FER: variants seen among roughly 807,000 people sequenced by gnomAD.
FER encodes the protein FER tyrosine kinase, also known as tyrosine-protein kinase Fer.
FER carries 63 observed loss-of-function variants against 111.0 expected under a neutral mutation model. The observed-to-expected ratio is 0.57, with a 90% CI of 0.46 to 0.70. The LOEUF (loss-of-function observed/expected upper bound fraction) is 0.70. Ranked by LOEUF, FER falls within the 30% of genes least tolerant of loss-of-function variation. The probability of loss-of-function intolerance (pLI) is 0.00; values close to 1 mark genes in which losing one functional copy is unlikely to be tolerated. For missense variants in FER, 914 were observed against 954.0 expected (o/e 0.96, Z 0.55); for synonymous variants, 327 against 313.9 (o/e 1.04, Z -0.44).
intron 17 of FER, among the ~76,000 whole-genome samples, chr5:109,164,782 C>T (rs534876116): frequency 1.3e-5 from 2 of 152,204 alleles, no homozygotes; most frequent in South Asian, 4.1e-4. Context: ...CATCCTAATC[C>T]TTATTTTCAT....
intron 2 of FER, among the ~76,000 whole-genome samples, chr5:108,793,519 C>CGGGGGGGGGG (rs144848588): frequency 8.7e-5 from 9 of 103,170 alleles, no homozygotes; most frequent in Non-Finnish European, 1.6e-4. Flanking sequence ...TTTGGCGGGG[C>CGGGGGGGGGG]GGGGGGGGTG....
intron 10 of FER, among the ~76,000 whole-genome samples, chr5:108,919,197 T>C (rs532640344): frequency 1.3e-5 from 2 of 152,092 alleles, no homozygotes; most frequent in African/African-American, 2.4e-5. Flanking sequence ...CTCATTGATA[T>C]CTTACTATTT....
chr5:109,181,913 G>C (rs769523718), intron 18 of FER, among the ~76,000 whole-genome samples: 21 of 152,130 alleles, frequency 1.4e-4, no homozygotes, highest in Non-Finnish European at 2.2e-4. Context: ...CCATTCTTCC[G>C]TTCCGTTGTC....
chr5:108,993,974 G>A (rs537101032), intron 13 of FER, among the ~76,000 whole-genome samples: 1 of 152,068 alleles, frequency 6.6e-6, no homozygotes, highest in African/African-American at 2.4e-5. Context: ...TAATGGTGTT[G>A]TTTTCTTCTT....
chr5:109,102,330 C>G (rs544359186), intron 17 of FER, among the ~76,000 whole-genome samples: 1 of 152,124 alleles, frequency 6.6e-6, no homozygotes, highest in East Asian at 1.9e-4. Flanking sequence ...GGAAGGTTTC[C>G]CAGTTGAACA....
At chr5:109,161,472 T>C (rs1755983159) in intron 17 of FER, among the ~76,000 whole-genome samples, 1 of 152,050 alleles carries the variant, frequency 6.6e-6, no homozygotes, top group African/African-American at 2.4e-5. Context: ...ATCCATGTGT[T>C]CTCATCGTTT....
At chr5:109,125,853 C>G (rs1446235424) in intron 17 of FER, among the ~76,000 whole-genome samples, 1 of 152,044 alleles carries the variant, frequency 6.6e-6, no homozygotes, top group Non-Finnish European at 1.5e-5. Flanking sequence ...ATCCTTTTTC[C>G]TAAACTGGAA....
intron 16 of FER, among the ~76,000 whole-genome samples, chr5:109,056,343 G>T (rs190047137): frequency 6.6e-6 from 1 of 152,138 alleles, no homozygotes; most frequent in South Asian, 2.1e-4. Flanking sequence ...CAGAGAAATG[G>T]ATAAAGAAAA....
intron 3 of FER, among the ~76,000 whole-genome samples, chr5:108,822,340 A>G (rs1758937822): frequency 6.6e-6 from 1 of 152,204 alleles, no homozygotes; most frequent in South Asian, 2.1e-4. Context: ...CTGTTGGTAT[A>G]ATAGAATTCC....
At chr5:109,162,824 G>T (rs546114067) in intron 17 of FER, among the ~76,000 whole-genome samples, 32 of 151,970 alleles carry the variant, frequency 2.1e-4, no homozygotes, top group Admixed American at 1.9e-3. Context: ...TTATATATTT[G>T]TAAGAATCTT....
intron 14 of FER, among the ~76,000 whole-genome samples, chr5:109,039,496 G>A (rs1327201298): frequency 6.6e-6 from 1 of 152,060 alleles, no homozygotes; most frequent in Non-Finnish European, 1.5e-5. Flanking sequence ...AGGGTGCTAA[G>A]TCCTGTGAAC....
intron 17 of FER, among the ~76,000 whole-genome samples, chr5:109,168,639 A>G (rs138198928): frequency 5.3e-4 from 81 of 152,280 alleles, no homozygotes; most frequent in Middle Eastern, 6.8e-3. Flanking sequence ...TTTATCATAA[A>G]CTGGCATGTA....
chr5:109,057,462 A>G (rs781575892), intron 16 of FER, among the ~76,000 whole-genome samples: 17 of 152,234 alleles, frequency 1.1e-4, no homozygotes, highest in Non-Finnish European at 2.2e-4. Context: ...TATTAGAAGG[A>G]TAATGAATGT....
intron 13 of FER, among the ~76,000 whole-genome samples, chr5:109,022,735 A>G (rs1768099884): frequency 1.3e-5 from 2 of 152,108 alleles, no homozygotes; most frequent in African/African-American, 2.4e-5. Flanking sequence ...AGGAAAACAA[A>G]TAAGTTTTAA....
At chr5:108,799,842 TTTTC>T (rs1292326535) in intron 3 of FER, among the ~76,000 whole-genome samples, 5 of 143,360 alleles carry the variant, frequency 3.5e-5, no homozygotes, top group African/African-American at 5.4e-5. Flanking sequence ...TTTTCTTTTC[TTTTC>T]TTTTTTTTTT....
At chr5:108,855,106 T>C (rs1032454934) in intron 5 of FER, among the ~76,000 whole-genome samples, 15 of 152,084 alleles carry the variant, frequency 9.9e-5, no homozygotes, top group African/African-American at 3.4e-4. Flanking sequence ...GTGGGAAGAC[T>C]GGTTTTTAGA....
intron 17 of FER, among the ~76,000 whole-genome samples, chr5:109,144,245 T>A (rs1753821240): frequency 6.6e-6 from 1 of 152,084 alleles, no homozygotes; most frequent in African/African-American, 2.4e-5. Context: ...AACAAGAAAT[T>A]GATTAATTTT....
chr5:108,794,996 C>G (rs187273914), intron 2 of FER, among the ~76,000 whole-genome samples: 1 of 152,108 alleles, frequency 6.6e-6, no homozygotes, highest in Non-Finnish European at 1.5e-5. Context: ...CTTTCTGTAC[C>G]TCCTTTTTAA....
At chr5:108,768,884 G>GCA (rs1481685045) in intron 2 of FER, among the ~76,000 whole-genome samples, 1 of 151,962 alleles carries the variant, frequency 6.6e-6, no homozygotes, top group Non-Finnish European at 1.5e-5. Flanking sequence ...GAGTGCAGTG[G>GCA]CACAATCTTG....
Sources: gnomAD v4.1 joint callset for allele counts (sites outside exome capture counted in the v4.1 genomes callset) on GRCh38, gnomAD v4.1.1 for gene constraint, MANE v1.5 for transcripts, NCBI Gene and HGNC (gene_info 2026-07-23, HGNC 2026-07-21) for gene names.